Variants in COMMD1 observed in about 807,000 individuals in gnomAD.
COMMD1 encodes copper metabolism domain containing 1, also known as COMM domain-containing protein 1.
In COMMD1, 10 loss-of-function variants were observed where a neutral mutation model predicts 17.2. The observed-to-expected ratio is 0.58, with a 90% CI of 0.36 to 0.99. COMMD1 has a LOEUF of 0.99. Among genes scored for constraint, COMMD1 ranks in the 50% least tolerant of loss-of-function variants. COMMD1 has a pLI of 0.01. For missense variants in COMMD1, 270 were observed against 231.8 expected, an observed-to-expected ratio of 1.17 and a Z score of -1.07; for synonymous variants, 97 against 91.6, an observed-to-expected ratio of 1.06 and a Z score of -0.34.
intron 1 of COMMD1, among the ~76,000 whole-genome samples, chr2:61,952,085 A>G (rs1572995744): frequency 6.6e-6 from 1 of 152,210 alleles, no homozygotes; most frequent in South Asian, 2.1e-4. Flanking sequence ...GAAGTTTGAC[A>G]TGGCTGACTC....
chr2:61,964,669 C>G (rs897374991), intron 1 of COMMD1, among the ~76,000 whole-genome samples: 1 of 151,444 alleles, frequency 6.6e-6, no homozygotes, highest in Non-Finnish European at 1.5e-5. Context: ...CCCGTCTCTA[C>G]TAAAAATACA....
chr2:61,995,548 A>C (rs1352169854), intron 1 of COMMD1, among the ~76,000 whole-genome samples: 1 of 152,230 alleles, frequency 6.6e-6, no homozygotes, highest in African/African-American at 2.4e-5. Flanking sequence ...AAGGCCAGCA[A>C]CTGAAGCATT....
chr2:62,090,044 A>G (rs1671782029), intron 2 of COMMD1, among the ~76,000 whole-genome samples: 1 of 152,154 alleles, frequency 6.6e-6, no homozygotes, highest in Admixed American at 6.5e-5. Context: ...CTGATGTAAT[A>G]GCCAATAGTT....
chr2:61,946,007 C>T (rs368007587), intron 1 of COMMD1, among the ~76,000 whole-genome samples: 1 of 152,304 alleles, frequency 6.6e-6, no homozygotes, highest in East Asian at 1.9e-4. Context: ...TGTCCTACCT[C>T]CACTTCCCTT....
upstream of COMMD1, among the ~76,000 whole-genome samples, chr2:61,903,631 C>A (rs1669705253): frequency 6.6e-6 from 1 of 151,738 alleles, no homozygotes; most frequent in South Asian, 2.1e-4. Context: ...CTGCTCACTG[C>A]AGCCTCTGCT....
upstream of COMMD1, among the ~76,000 whole-genome samples, chr2:61,901,064 A>G (rs965697296): frequency 6.6e-6 from 1 of 151,974 alleles, no homozygotes; most frequent in African/African-American, 2.4e-5. Flanking sequence ...CTCTTGTCTC[A>G]GTCTCCTGAG....
intron 2 of COMMD1, among the ~76,000 whole-genome samples, chr2:62,117,357 C>T (rs911366343): frequency 8.5e-5 from 13 of 152,196 alleles, no homozygotes; most frequent in African/African-American, 1.4e-4. Flanking sequence ...CCCTGCTTTC[C>T]TTTGAGTCTT....
At chr2:61,996,498 G>GCTT (rs1189170101) in intron 1 of COMMD1, among the ~76,000 whole-genome samples, 1 of 152,080 alleles carries the variant, frequency 6.6e-6, no homozygotes, top group African/African-American at 2.4e-5. Context: ...TCCCTTTCAT[G>GCTT]AAAGATTTCT....
chr2:61,888,665 C>T (rs570095897), upstream of COMMD1: 9 of 835,342 alleles, frequency 1.1e-5, no homozygotes, highest in South Asian at 1.5e-4. Flanking sequence ...AGGGGGCCTT[C>T]CTTGCCGCGC....
At chr2:62,112,641 T>C in intron 2 of COMMD1, among the ~76,000 whole-genome samples, 1 of 152,254 alleles carries the variant, frequency 6.6e-6, no homozygotes, top group East Asian at 1.9e-4. Context: ...ATATGCCATC[T>C]TATTTAGTCT....
intron 2 of COMMD1, among the ~76,000 whole-genome samples, chr2:62,027,325 C>G (rs549524932): frequency 6.6e-6 from 1 of 152,262 alleles, no homozygotes; most frequent in Admixed American, 6.5e-5. Context: ...TTTACCATCT[C>G]TGTGGTAATT....
intron 1 of COMMD1, among the ~76,000 whole-genome samples, chr2:61,982,904 A>T (rs529156792): frequency 1.3e-4 from 20 of 152,170 alleles, no homozygotes; most frequent in African/African-American, 4.3e-4. Context: ...TTAACATATT[A>T]TTGAATTCGG....
At chr2:62,033,481 C>T (rs1168740732) in intron 2 of COMMD1, among the ~76,000 whole-genome samples, 4 of 152,006 alleles carry the variant, frequency 2.6e-5, no homozygotes, top group African/African-American at 4.8e-5. Flanking sequence ...CAGTGGTTCA[C>T]GCCTGTAATC....
chr2:61,993,370 G>T (rs1668649852), intron 1 of COMMD1, among the ~76,000 whole-genome samples: 1 of 152,180 alleles, frequency 6.6e-6, no homozygotes, highest in South Asian at 2.1e-4. Context: ...TCATTTTACT[G>T]CCAGAGGCAT....
intron 1 of COMMD1, among the ~76,000 whole-genome samples, chr2:61,895,231 C>T (rs1558513153): frequency 6.6e-6 from 1 of 152,148 alleles, no homozygotes; most frequent in African/African-American, 2.4e-5. Flanking sequence ...TTGTGTCTCC[C>T]CACAGCGACA....
At chr2:61,917,721 C>T (rs1364753821) in intron 1 of COMMD1, among the ~76,000 whole-genome samples, 5 of 152,082 alleles carry the variant, frequency 3.3e-5, no homozygotes, top group African/African-American at 9.7e-5. Context: ...TTAGTAGAGA[C>T]GGGGTTTCAC....
intron 1 of COMMD1, among the ~76,000 whole-genome samples, chr2:61,964,364 GCATGGAGCCAC>G (rs1558539574): frequency 6.6e-6 from 1 of 152,128 alleles, no homozygotes; most frequent in African/African-American, 2.4e-5. Context: ...GGGACTACAG[GCATGGAGCCAC>G]CATGCCTAGC....
At chr2:62,000,071 C>T (rs1010775462) in intron 1 of COMMD1, among the ~76,000 whole-genome samples, 1 of 151,442 alleles carries the variant, frequency 6.6e-6, no homozygotes, top group African/African-American at 2.4e-5. Flanking sequence ...TACAGGTGTG[C>T]GCAACTACAC....
intron 2 of COMMD1, among the ~76,000 whole-genome samples, chr2:62,115,630 A>G (rs963669731): frequency 6.6e-6 from 1 of 152,190 alleles, no homozygotes; most frequent in Admixed American, 6.5e-5. Flanking sequence ...GTATTTATCA[A>G]TATTATATAA....
Sources: gnomAD v4.1 joint callset for allele counts (sites outside exome capture counted in the v4.1 genomes callset) on GRCh38, gnomAD v4.1.1 for gene constraint, MANE v1.5 for transcripts, NCBI Gene and HGNC (gene_info 2026-07-23, HGNC 2026-07-21) for gene names.